The following MBNL2 variants were observed in gnomAD, a reference collection of about 807,000 sequenced individuals.
The protein encoded by MBNL2 is muscleblind-like protein 2.
MBNL2 carries 17 observed loss-of-function variants against 41.9 expected under a neutral mutation model. The observed-to-expected ratio is 0.41, with a 90% CI of 0.28 to 0.61. The LOEUF (loss-of-function observed/expected upper bound fraction) is 0.61, where lower values mean the gene tolerates loss of function less well. MBNL2 is among the 20% of genes least tolerant of loss of function. The pLI is 0.35. For missense variants in MBNL2, 336 were observed against 505.6 expected (o/e 0.66, Z 3.22); for synonymous variants, 195 against 182.9 (o/e 1.07, Z -0.53).
intron 2 of MBNL2, among the ~76,000 whole-genome samples, chr13:97,311,725 T>C (rs9516904): frequency 0.42 from 63,087 of 151,444 alleles, 13,993 homozygotes; most frequent in East Asian, 0.54. Flanking sequence ...CTTGTTTGCT[T>C]TGAGGTCATG....
At chr13:97,209,465 TTGAG>T in the MBNL2 span, among the ~76,000 whole-genome samples, 9 of 152,194 alleles carry the variant, frequency 5.9e-5, no homozygotes, top group Admixed American at 2.6e-4. Context: ...ACTTCCCAGA[TTGAG>T]TGAGTATGAA....
At chr13:97,191,209 G>A in the MBNL2 span, among the ~76,000 whole-genome samples, 2 of 151,642 alleles carry the variant, frequency 1.3e-5, no homozygotes, top group East Asian at 1.9e-4. Flanking sequence ...GGGGGTCCCC[G>A]GAAAAATTCC....
At position 97,366,613 on chromosome 13, in the gene MBNL2, T is replaced by TAA; in HGVS notation, c.1048+1451_1048+1452dup. On this transcript the variant is annotated intron_variant, in intron 8 of 8. Coordinates refer to ENST00000679496, the MANE Select transcript of MBNL2 (RefSeq NM_001382683.1). The surrounding 1 kb of genome is among the most constrained non-coding windows in gnomAD (Gnocchi z 4.7). Reference sequence around the variant, plus strand: ...CAAACTCTAAATGAGTGCTGATATTTAAAAAAAAAATTCTCGGTGAGAATT... The same window carrying TAA: ...CAAACTCTAAATGAGTGCTGATATTTAAAAAAAAAAAATTCTCGGTGAGAATT... The TAA allele has an allele frequency of 2.0e-6, 2 of 993,924 alleles. No homozygotes were observed. Among genetic ancestry groups the TAA allele is most frequent in the Non-Finnish European group, 3.1e-6 (2 of 642,800 alleles). The allele number at this position is 993,924 out of a possible 1,614,324, so 61.6% of individuals were successfully genotyped here.
intron 3 of MBNL2, among the ~76,000 whole-genome samples, chr13:97,337,103 T>A (rs893023182): frequency 1.3e-5 from 2 of 152,086 alleles, no homozygotes; most frequent in African/African-American, 4.8e-5. Flanking sequence ...GGCGACTAGA[T>A]CCTGAGGGTG....
chr13:97,159,372 A>T, the MBNL2 span, among the ~76,000 whole-genome samples: 1 of 151,862 alleles, frequency 6.6e-6, no homozygotes, highest in African/African-American at 2.4e-5. Flanking sequence ...TGTGTCTTTT[A>T]ATTGGAGCAT....
At chr13:97,303,109 A>G (rs2057791902) in intron 2 of MBNL2, among the ~76,000 whole-genome samples, 3 of 152,186 alleles carry the variant, frequency 2.0e-5, no homozygotes, top group Admixed American at 2.0e-4. Flanking sequence ...AACCTTGGGC[A>G]TGAGGAGGAA....
intron 1 of MBNL2, among the ~76,000 whole-genome samples, chr13:97,273,491 C>T (rs1224887929): frequency 6.6e-6 from 1 of 152,206 alleles, no homozygotes; most frequent in Non-Finnish European, 1.5e-5. Context: ...GCCAAACAGA[C>T]ATGCAGGAGC....
intron 2 of MBNL2, among the ~76,000 whole-genome samples, chr13:97,300,000 A>C (rs1252201354): frequency 6.6e-6 from 1 of 152,118 alleles, no homozygotes. Context: ...TATTCCTTCC[A>C]TATTGTGGTA....
At chr13:97,281,306 G>A (rs527427156) in intron 2 of MBNL2, among the ~76,000 whole-genome samples, 1 of 152,326 alleles carries the variant, frequency 6.6e-6, no homozygotes, top group East Asian at 1.9e-4. Flanking sequence ...GTACAGACAT[G>A]TGCTATTGCC....
chr13:97,347,365 A>G (rs1055825915), intron 5 of MBNL2, among the ~76,000 whole-genome samples: 1 of 152,120 alleles, frequency 6.6e-6, no homozygotes, highest in Non-Finnish European at 1.5e-5. Context: ...GGTCTTTTTA[A>G]GAGAGGCTCA....
the MBNL2 span, chr13:97,173,012 C>T: frequency 6.6e-6 from 1 of 152,056 alleles, no homozygotes; most frequent in African/African-American, 2.4e-5. Flanking sequence ...TGGGGTTCTT[C>T]GTCCATCAAA....
At chr13:97,253,534 T>C (rs902779919) in intron 1 of MBNL2, among the ~76,000 whole-genome samples, 1 of 152,216 alleles carries the variant, frequency 6.6e-6, no homozygotes, top group Admixed American at 6.5e-5. Flanking sequence ...AAAACAAATA[T>C]CACTTGTGGA....
the MBNL2 span, among the ~76,000 whole-genome samples, chr13:97,196,235 C>T: frequency 2.6e-5 from 4 of 152,146 alleles, no homozygotes; most frequent in Non-Finnish European, 2.9e-5. Context: ...TCTTTGCATA[C>T]AGCCTATAAT....
intron 1 of MBNL2, among the ~76,000 whole-genome samples, chr13:97,228,633 G>A (rs1182647235): frequency 1.3e-5 from 2 of 150,260 alleles, no homozygotes; most frequent in Non-Finnish European, 3.0e-5. Context: ...AGGTTCAAGC[G>A]ATTCTCCTGC....
intron 6 of MBNL2, 22 bp from the exon 7 acceptor site, chr13:97,357,455 ATATCT>A: frequency 1.2e-6 from 2 of 1,604,306 alleles, no homozygotes; most frequent in Non-Finnish European, 1.7e-6. Flanking sequence ...TAAGTTAGAC[ATATCT>A]TATCGAATTC....
intron 2 of MBNL2, among the ~76,000 whole-genome samples, chr13:97,324,504 C>A (rs187440812): frequency 2.6e-3 from 392 of 152,174 alleles, no homozygotes; most frequent in African/African-American, 9.2e-3. Flanking sequence ...AATGTGGTAT[C>A]AAAAAATCTA....
At chr13:97,160,694 A>G in the MBNL2 span, among the ~76,000 whole-genome samples, 1 of 152,140 alleles carries the variant, frequency 6.6e-6, no homozygotes, top group African/African-American at 2.4e-5. Flanking sequence ...TTGGCTTTTC[A>G]TTCTTAAGAA....
the MBNL2 span, among the ~76,000 whole-genome samples, chr13:97,186,451 T>G: frequency 6.6e-6 from 1 of 152,230 alleles, no homozygotes; most frequent in Non-Finnish European, 1.5e-5. Flanking sequence ...TGGAATATTT[T>G]TAGTTTACCT....
chr13:97,259,352 C>T (rs1365713292), intron 1 of MBNL2, among the ~76,000 whole-genome samples: 2 of 152,140 alleles, frequency 1.3e-5, no homozygotes, highest in African/African-American at 2.4e-5. Context: ...GTCCTTTTCA[C>T]AGTCCGGGGC....
Sources: allele counts gnomAD v4.1 joint callset (sites outside exome capture counted in the v4.1 genomes callset), GRCh38; gene constraint gnomAD v4.1.1; non-coding constraint Gnocchi (gnomAD v3.1); transcripts MANE v1.5; gene names NCBI Gene and HGNC (gene_info 2026-07-23, HGNC 2026-07-21).